The following RNGTT variants were observed in gnomAD, a reference collection of about 807,000 sequenced individuals.
RNGTT encodes RNA guanylyltransferase and 5'-phosphatase.
Under a neutral mutation model 79.3 loss-of-function variants are expected in RNGTT, and 33 were observed. The ratio of observed to expected loss-of-function variants is 0.42; its 90% CI spans 0.32 to 0.56. The LOEUF is 0.56. Among genes scored for constraint, RNGTT ranks in the 20% least tolerant of loss-of-function variants. The pLI is 0.17. For missense variants in RNGTT, 497 were observed against 739.1 expected (o/e 0.67, Z 3.80); for synonymous variants, 222 against 235.9 (o/e 0.94, Z 0.54).
rs1778289873 is a variant in RNGTT at position 88,762,204 on chromosome 6, T to C, written c.1439+7570A>G. Among the ~76,000 whole-genome samples, 7 of 152,268 alleles carry C rather than the reference T, an allele frequency of 4.6e-5. No homozygotes were observed. In the South Asian group the frequency reaches 1.2e-3, roughly 27 times the overall value. ...AATACAACCTGCGGTTATTTTCCAG[T>C]TACTGGATGTATAACTGGAAGAGAA... On this transcript the variant is annotated intron_variant, in intron 13 of 15. Coordinates refer to ENST00000369485, the MANE Select transcript of RNGTT (RefSeq NM_003800.5).
chr6:88,940,137 A>G (rs1784802076), intron 2 of RNGTT, among the ~76,000 whole-genome samples: 1 of 146,738 alleles, frequency 6.8e-6, no homozygotes, highest in African/African-American at 2.5e-5. Flanking sequence ...GTGCACTGGT[A>G]TGTGATCTTG....
intron 14 of RNGTT, among the ~76,000 whole-genome samples, chr6:88,627,517 C>T (rs1430213979): frequency 6.6e-6 from 1 of 152,090 alleles, no homozygotes; most frequent in Non-Finnish European, 1.5e-5. Context: ...GCCTTTCTTA[C>T]AGGACAGAGA....
intron 13 of RNGTT, among the ~76,000 whole-genome samples, chr6:88,757,234 A>G (rs1257918533): frequency 6.6e-6 from 1 of 152,228 alleles, no homozygotes; most frequent in Non-Finnish European, 1.5e-5. Flanking sequence ...ATGGAGATAC[A>G]TGAATGGGAG....
chr6:88,659,785 T>C (rs945557815), intron 14 of RNGTT, among the ~76,000 whole-genome samples: 2 of 152,126 alleles, frequency 1.3e-5, no homozygotes, highest in East Asian at 3.8e-4. Flanking sequence ...GACATCCAAA[T>C]ACAGGACGCT....
intron 2 of RNGTT, among the ~76,000 whole-genome samples, chr6:88,929,629 G>C (rs752954098): frequency 2.0e-5 from 3 of 152,082 alleles, no homozygotes; most frequent in Non-Finnish European, 4.4e-5. Flanking sequence ...CAAGAGGCTA[G>C]AGCAGGAATG....
chr6:88,693,711 C>T (rs1031602940), intron 13 of RNGTT, among the ~76,000 whole-genome samples: 1 of 152,108 alleles, frequency 6.6e-6, no homozygotes, highest in Non-Finnish European at 1.5e-5. Context: ...CAATGAAATA[C>T]TAGCAAATCA....
chr6:88,870,088 C>A (rs1782307229), intron 8 of RNGTT, among the ~76,000 whole-genome samples: 1 of 152,126 alleles, frequency 6.6e-6, no homozygotes. Flanking sequence ...ATAGCAGCAA[C>A]ATTAAATCTG....
chr6:88,849,597 A>C (rs568331264), intron 10 of RNGTT, among the ~76,000 whole-genome samples, 158 bp downstream of exon 10: 50 of 152,120 alleles, frequency 3.3e-4, no homozygotes, highest in African/African-American at 1.2e-3. Flanking sequence ...AAGAGAAAGA[A>C]AAGGAGATAT....
intron 8 of RNGTT, among the ~76,000 whole-genome samples, chr6:88,878,084 A>G (rs1351769281): frequency 7.2e-6 from 1 of 139,346 alleles, no homozygotes; most frequent in African/African-American, 2.8e-5. Context: ...TTGTTTATTT[A>G]TTTATTTATT....
chr6:88,894,092 T>A (rs890608599), intron 6 of RNGTT, among the ~76,000 whole-genome samples: 5 of 152,202 alleles, frequency 3.3e-5, no homozygotes, highest in African/African-American at 1.2e-4. Flanking sequence ...TGTTTCAAGA[T>A]TCTAAATGTG....
chr6:88,957,069 G>A (rs1047604205), intron 1 of RNGTT, among the ~76,000 whole-genome samples: 5 of 151,964 alleles, frequency 3.3e-5, no homozygotes, highest in East Asian at 1.9e-4. Context: ...AATGTGATAC[G>A]TCACATAAAC....
chr6:88,761,195 A>T lies in RNGTT; in HGVS notation c.1439+8579T>A, dbSNP rs114710362. On this transcript the variant is annotated intron_variant, in intron 13 of 15. Transcript: ENST00000369485. ...TGTGCAGACCTTACCTGGTTAACAA[A>T]CCAGAACCTTCTGGCCAGGCATGTT... is the stretch of plus-strand genomic sequence containing the variant. 3.8e-3 allele frequency among the ~76,000 whole-genome samples: 583 copies of T among 152,074 alleles called. 5 individuals carry two copies. Among genetic ancestry groups the T allele is most frequent in the African/African-American group, 0.014 (567 of 41,472 alleles).
intron 11 of RNGTT, among the ~76,000 whole-genome samples, chr6:88,811,999 C>G (rs1780154971): frequency 6.6e-6 from 1 of 152,112 alleles, no homozygotes; most frequent in Non-Finnish European, 1.5e-5. Flanking sequence ...ACTTCTAGTT[C>G]AGGTTAGGAT....
chr6:88,963,422 C>T lies in RNGTT; in HGVS notation c.-13G>A, dbSNP rs776802365. 7.6e-6 allele frequency: 12 copies of T among 1,576,580 alleles called. No homozygotes were observed. The African/African-American group carries it at 1.1e-4, about 14-fold the overall frequency. ...TGTTGTGAGCCATGTCTTGGGGCTG[C>T]GCAGAGCTGCCCTCCCTCACCAACG... On this transcript the variant is annotated 5_prime_UTR_variant, in exon 1 of 16. Coordinates refer to ENST00000369485, the MANE Select transcript of RNGTT (RefSeq NM_003800.5).
At chr6:88,770,628 C>T (rs773923505) in intron 12 of RNGTT, among the ~76,000 whole-genome samples, 1 of 152,082 alleles carries the variant, frequency 6.6e-6, no homozygotes, top group Non-Finnish European at 1.5e-5. Context: ...ACATGTTTTC[C>T]TAACTCTTGG....
At chr6:88,750,710 G>T (rs1257024278) in intron 13 of RNGTT, among the ~76,000 whole-genome samples, 5 of 151,928 alleles carry the variant, frequency 3.3e-5, no homozygotes, top group African/African-American at 1.2e-4. Flanking sequence ...CGAGTTCCAC[G>T]CCTTCTTTCA....
At chr6:88,672,109 A>C (rs2610720) in intron 14 of RNGTT, among the ~76,000 whole-genome samples, 1 of 151,794 alleles carries the variant, frequency 6.6e-6, no homozygotes, top group African/African-American at 2.4e-5. Context: ...AATAAACAGA[A>C]GGAACTTAAT....
At chr6:88,922,562 C>G (rs1784196428) in intron 4 of RNGTT, among the ~76,000 whole-genome samples, 3 of 151,898 alleles carry the variant, frequency 2.0e-5, no homozygotes, top group Admixed American at 1.3e-4. Context: ...GAGTCTCGCT[C>G]TGTCACCCAG....
chr6:88,959,917 C>A (rs947283339), intron 1 of RNGTT, among the ~76,000 whole-genome samples: 2 of 152,196 alleles, frequency 1.3e-5, no homozygotes, highest in Admixed American at 1.3e-4. Context: ...TCTCTCCCAT[C>A]ATCATCCTAT....
Sources: gnomAD v4.1 joint callset for allele counts (sites outside exome capture counted in the v4.1 genomes callset) on GRCh38, gnomAD v4.1.1 for gene constraint, MANE v1.5 for transcripts, NCBI Gene and HGNC (gene_info 2026-07-23, HGNC 2026-07-21) for gene names.